Variants in HYAL4 observed in about 807,000 individuals in gnomAD.
HYAL4 encodes the protein hyaluronidase 4, also known as hyaluronidase-4.
A neutral mutation model predicts 35.2 loss-of-function variants in HYAL4; 37 were observed. The observed-to-expected ratio is 1.05, with a 90% CI of 0.81 to 1.38. The LOEUF is 1.38. Among genes scored for constraint, HYAL4 ranks in the 40% most tolerant of loss-of-function variants. The pLI, the probability that HYAL4 is intolerant of heterozygous loss-of-function variation, is 0.00. For missense variants in HYAL4, 572 were observed against 572.4 expected, an observed-to-expected ratio of 1.00 and a Z score of 0.01; for synonymous variants, 198 against 203.2, an observed-to-expected ratio of 0.97 and a Z score of 0.22.
chr7:123,817,372 A>G, the HYAL4 span, among the ~76,000 whole-genome samples: 5 of 152,074 alleles, frequency 3.3e-5, no homozygotes, highest in African/African-American at 1.2e-4. Flanking sequence ...TAACTCTTCA[A>G]TCTATTCCCT....
the HYAL4 span, among the ~76,000 whole-genome samples, chr7:123,763,709 G>A: frequency 6.6e-6 from 1 of 152,230 alleles, no homozygotes; most frequent in Admixed American, 6.5e-5. Context: ...GGGCTGCGAG[G>A]ACTGCCAGCA....
the HYAL4 span, among the ~76,000 whole-genome samples, chr7:123,791,026 A>G: frequency 6.6e-6 from 1 of 152,186 alleles, no homozygotes; most frequent in South Asian, 2.1e-4. Flanking sequence ...CGGCCTCCCA[A>G]ATTGCTGGGA....
At chr7:123,836,898 G>A (rs1184580468) in intron 1 of HYAL4, among the ~76,000 whole-genome samples, 1 of 151,870 alleles carries the variant, frequency 6.6e-6, no homozygotes, top group African/African-American at 2.4e-5. Flanking sequence ...CGCAGTGGTG[G>A]GTGCCTGTAA....
chr7:123,838,919 T>G (rs1806009943), intron 1 of HYAL4, among the ~76,000 whole-genome samples: 1 of 152,070 alleles, frequency 6.6e-6, no homozygotes, highest in South Asian at 2.1e-4. Context: ...ATTCTATTGC[T>G]GAGACTTTCC....
chr7:123,789,836 G>A, the HYAL4 span, among the ~76,000 whole-genome samples: 7 of 152,072 alleles, frequency 4.6e-5, no homozygotes, highest in Non-Finnish European at 7.4e-5. Flanking sequence ...GTGTGTGTGT[G>A]TATATATATC....
At chr7:123,822,011 C>T in the HYAL4 span, among the ~76,000 whole-genome samples, 5 of 152,082 alleles carry the variant, frequency 3.3e-5, no homozygotes, top group African/African-American at 1.2e-4. Context: ...TGTATATCTT[C>T]CTTTATACCA....
the HYAL4 span, among the ~76,000 whole-genome samples, chr7:123,777,448 A>G: frequency 1.3e-5 from 2 of 152,218 alleles, no homozygotes; most frequent in African/African-American, 2.4e-5. Flanking sequence ...TAAAAATTAT[A>G]CATGTGGCTT....
chr7:123,836,723 G>A (rs1047537854), intron 1 of HYAL4, among the ~76,000 whole-genome samples: 2 of 151,900 alleles, frequency 1.3e-5, no homozygotes, highest in African/African-American at 4.8e-5. Context: ...ATGTTTCCAG[G>A]ATTTGTTTCA....
intron 1 of HYAL4, among the ~76,000 whole-genome samples, chr7:123,834,553 T>C (rs1805932759): frequency 6.6e-6 from 1 of 152,190 alleles, no homozygotes; most frequent in Non-Finnish European, 1.5e-5. Flanking sequence ...ACTTCCTCTT[T>C]ACCGATTTGG....
At chr7:123,783,421 G>T in the HYAL4 span, among the ~76,000 whole-genome samples, 225 of 152,168 alleles carry the variant, frequency 1.5e-3, no homozygotes, top group African/African-American at 5.0e-3. Flanking sequence ...ACACATGATT[G>T]TATTAAGAAT....
intron 1 of HYAL4, among the ~76,000 whole-genome samples, chr7:123,834,227 G>A (rs960056341): frequency 6.6e-6 from 1 of 151,984 alleles, no homozygotes; most frequent in East Asian, 1.9e-4. Context: ...CATGGGATGT[G>A]TTTCTTTTTG....
At chr7:123,809,116 A>G in the HYAL4 span, among the ~76,000 whole-genome samples, 1 of 152,158 alleles carries the variant, frequency 6.6e-6, no homozygotes, top group African/African-American at 2.4e-5. Context: ...CCTTTAACAC[A>G]TGAAGTCCAA....
the HYAL4 span, among the ~76,000 whole-genome samples, chr7:123,808,427 G>A: frequency 1.3e-5 from 1 of 78,108 alleles, no homozygotes; most frequent in Non-Finnish European, 3.0e-5. Context: ...ACGTGTGTGT[G>A]TGTGTGTGTG....
the HYAL4 span, among the ~76,000 whole-genome samples, chr7:123,774,692 C>A: frequency 1.3e-5 from 2 of 152,176 alleles, no homozygotes; most frequent in East Asian, 3.9e-4. Context: ...TAACATTCCT[C>A]AAGGCTTTTT....
At chr7:123,811,719 C>CT in the HYAL4 span, among the ~76,000 whole-genome samples, 1 of 152,008 alleles carries the variant, frequency 6.6e-6, no homozygotes, top group Non-Finnish European at 1.5e-5. Flanking sequence ...TGGATTGTGC[C>CT]TTTAGTATTG....
chr7:123,782,403 A>C, the HYAL4 span, among the ~76,000 whole-genome samples: 2 of 152,210 alleles, frequency 1.3e-5, no homozygotes, highest in African/African-American at 4.8e-5. Context: ...ATTATGTTTA[A>C]AATGCAAGTA....
chr7:123,775,706 T>C, the HYAL4 span, among the ~76,000 whole-genome samples: 1 of 152,342 alleles, frequency 6.6e-6, no homozygotes, highest in African/African-American at 2.4e-5. Context: ...CCTCCATCTT[T>C]AGATGTCATC....
the HYAL4 span, among the ~76,000 whole-genome samples, chr7:123,774,072 A>C: frequency 6.6e-6 from 1 of 152,064 alleles, no homozygotes; most frequent in African/African-American, 2.4e-5. Flanking sequence ...CCCATGCTGT[A>C]GTGCAGTGGC....
intron 2 of HYAL4, among the ~76,000 whole-genome samples, chr7:123,860,184 T>G (rs985205610): frequency 4.6e-5 from 7 of 152,162 alleles, no homozygotes; most frequent in African/African-American, 1.4e-4. Flanking sequence ...GGCACTTAAT[T>G]TCCCTTTGCC....
Sources: gnomAD v4.1 joint callset for allele counts (sites outside exome capture counted in the v4.1 genomes callset) on GRCh38, gnomAD v4.1.1 for gene constraint, MANE v1.5 for transcripts, NCBI Gene and HGNC (gene_info 2026-07-23, HGNC 2026-07-21) for gene names.